The following ADAM9 variants were observed in gnomAD, a reference collection of about 807,000 sequenced individuals.
ADAM9 encodes the protein ADAM metallopeptidase domain 9.
In ADAM9, 54 loss-of-function variants were observed where a neutral mutation model predicts 108.1. The ratio of observed to expected loss-of-function variants is 0.50; its 90% CI spans 0.40 to 0.63. ADAM9 has a LOEUF of 0.63. Ranked by LOEUF, ADAM9 falls within the 20% of genes least tolerant of loss-of-function variation. The pLI, the probability that ADAM9 is intolerant of heterozygous loss-of-function variation, is 0.00. For synonymous variants in ADAM9, 316 were observed against 336.0 expected (o/e 0.94, Z 0.65); for missense variants, 830 against 997.7 (o/e 0.83, Z 2.26).
chr8:39,078,579 C>T (rs997430767), intron 16 of ADAM9, among the ~76,000 whole-genome samples: 7 of 152,040 alleles, frequency 4.6e-5, no homozygotes, highest in Admixed American at 2.6e-4. Flanking sequence ...GTCAGGAGTT[C>T]GAGACTAGCC....
At chr8:39,031,025 C>G (rs138025243) in intron 11 of ADAM9, among the ~76,000 whole-genome samples, 7 of 152,142 alleles carry the variant, frequency 4.6e-5, no homozygotes, top group Non-Finnish European at 7.3e-5. Flanking sequence ...TACTAGTCTG[C>G]AGCTTATCTT....
intron 5 of ADAM9, 101 bp downstream of exon 5, chr8:39,016,295 A>C: frequency 9.5e-7 from 1 of 1,056,538 alleles, no homozygotes; most frequent in African/African-American, 1.6e-5. Flanking sequence ...ACTTAGCAAA[A>C]TTGGAATTTA....
At chr8:39,020,380 TATTAA>T (rs933374745) in intron 7 of ADAM9, among the ~76,000 whole-genome samples, 6 of 152,158 alleles carry the variant, frequency 3.9e-5, no homozygotes, top group African/African-American at 1.2e-4. Context: ...CTATCAAATA[TATTAA>T]ATTAATTTTT....
chr8:39,010,769 G>C (rs1359789633), intron 2 of ADAM9, among the ~76,000 whole-genome samples: 1 of 152,110 alleles, frequency 6.6e-6, no homozygotes, highest in African/African-American at 2.4e-5. Flanking sequence ...CATCAATTGT[G>C]AGACACACCA....
Position 39,017,230 on chromosome 8 carries a change from A to G in ADAM9, c.422A>G (p.His141Arg), listed in dbSNP as rs770847465. ...SDCFGLRGLL[H>R]LENASYGIEP... Reference sequence around the variant, plus strand: ...AATGCAACATTCAGAGGATTGCTGCATTTAGAGAATGCGAGTTATGGGATT... The same window carrying G: ...AATGCAACATTCAGAGGATTGCTGCGTTTAGAGAATGCGAGTTATGGGATT... Residue 141 changes from histidine to arginine, a missense_variant, in exon 6 of 22, where the codon CAT (histidine) becomes CGT (arginine). Physicochemically the swap from His to Arg is conservative, Grantham distance 29. Transcript: ENST00000487273. 7.4e-6 allele frequency: 12 copies of G among 1,614,038 alleles called. No individual in the cohort carries two copies. The highest frequency in any genetic ancestry group is 2.2e-5 in the East Asian group (1 of 44,884).
intron 12 of ADAM9, 26 bp downstream of exon 12, chr8:39,042,143 T>G: frequency 6.2e-7 from 1 of 1,613,194 alleles, no homozygotes; most frequent in Non-Finnish European, 8.5e-7. Flanking sequence ...GACTTTTGCC[T>G]TGTAAAATTG....
intron 16 of ADAM9, among the ~76,000 whole-genome samples, chr8:39,080,478 A>G (rs911081402): frequency 6.6e-6 from 1 of 152,170 alleles, no homozygotes; most frequent in African/African-American, 2.4e-5. Context: ...GGACTGATAC[A>G]CCTTGACCCA....
intron 14 of ADAM9, among the ~76,000 whole-genome samples, chr8:39,061,330 G>A (rs1289116275): frequency 6.6e-6 from 1 of 152,166 alleles, no homozygotes; most frequent in Non-Finnish European, 1.5e-5. Flanking sequence ...TTCTGGAATT[G>A]TGGGAAAAAA....
chr8:39,023,089 A>G (rs1266728136), intron 8 of ADAM9, 67 bp from the exon 9 acceptor site: 1 of 1,384,966 alleles, frequency 7.2e-7, no homozygotes, highest in African/African-American at 1.5e-5. Flanking sequence ...GTGTTACTTC[A>G]TGTGGTTAAA....
At chr8:39,100,263 G>A (rs1839646921) in intron 20 of ADAM9, among the ~76,000 whole-genome samples, 1 of 151,796 alleles carries the variant, frequency 6.6e-6, no homozygotes. Context: ...GCTGAGGTGG[G>A]CGGATCATGA....
At position 39,103,855 on chromosome 8, in the gene ADAM9, AGT is replaced by A; in HGVS notation, c.*159_*160del. 1.3e-6 allele frequency: 1 copy of A among 749,760 alleles called. No individual in the cohort carries two copies. Among genetic ancestry groups the A allele is most frequent in the Non-Finnish European group, 2.3e-6 (1 of 427,576 alleles). 46.4% of individuals were successfully genotyped at this position (749,760 alleles called of 1,614,324 possible). The stretch of plus-strand genomic sequence containing the variant: ...CACTAACACAGAAAAACAGAAACTG[AGT>A]GTGAGAGTTGTGAAATACAAGGAAA... On this transcript the variant is annotated 3_prime_UTR_variant, in exon 22 of 22. Transcript: ENST00000487273.
At chr8:39,013,259 G>C (rs1836415065) in intron 3 of ADAM9, among the ~76,000 whole-genome samples, 1 of 152,054 alleles carries the variant, frequency 6.6e-6, no homozygotes, top group African/African-American at 2.4e-5. Context: ...AGAACTTTAA[G>C]AAAAGAGTGT....
intron 17 of ADAM9, 64 bp from the exon 18 acceptor site, chr8:39,082,904 C>G: frequency 2.1e-6 from 3 of 1,460,898 alleles, no homozygotes; most frequent in Non-Finnish European, 2.9e-6. Flanking sequence ...GGTTTCCATT[C>G]TTGAGTTGAT....
At chr8:39,070,538 A>G (rs921260508) in intron 14 of ADAM9, among the ~76,000 whole-genome samples, 47 of 152,218 alleles carry the variant, frequency 3.1e-4, no homozygotes, top group African/African-American at 1.1e-3. Context: ...TATTTTTATT[A>G]TTTAAAAATA....
chr8:39,074,066 C>T (rs890580816), intron 15 of ADAM9, among the ~76,000 whole-genome samples: 2 of 152,048 alleles, frequency 1.3e-5, no homozygotes, highest in Non-Finnish European at 2.9e-5. Flanking sequence ...AGAGGAATAT[C>T]TGGTTCATTG....
At chr8:39,007,377 C>T (rs979062344) in intron 1 of ADAM9, among the ~76,000 whole-genome samples, 3 of 152,126 alleles carry the variant, frequency 2.0e-5, no homozygotes, top group African/African-American at 7.2e-5. Context: ...TAAATTTCAG[C>T]GTGAGATTTG....
intron 11 of ADAM9, among the ~76,000 whole-genome samples, chr8:39,035,514 A>T (rs1271872837): frequency 1.3e-5 from 2 of 152,130 alleles, no homozygotes; most frequent in African/African-American, 2.4e-5. Flanking sequence ...TATATTTAAA[A>T]TTTTTTTTAA....
intron 4 of ADAM9, chr8:39,015,047 A>G (rs551026468): frequency 6.5e-6 from 1 of 152,980 alleles, no homozygotes; most frequent in South Asian, 2.1e-4. Context: ...GCCAAACACC[A>G]CATAATTTGT....
At chr8:39,093,086 G>A (rs1439839365) in intron 20 of ADAM9, among the ~76,000 whole-genome samples, 1 of 152,050 alleles carries the variant, frequency 6.6e-6, no homozygotes, top group Non-Finnish European at 1.5e-5. Flanking sequence ...TAGTGATTCT[G>A]GGTCTTTTGT....
Sources: gnomAD v4.1 joint callset for allele counts (sites outside exome capture counted in the v4.1 genomes callset) on GRCh38, gnomAD v4.1.1 for gene constraint, MANE v1.5 for transcripts, NCBI Gene and HGNC (gene_info 2026-07-23, HGNC 2026-07-21) for gene names.